The following CBFA2T2 variants were observed in gnomAD, a reference collection of about 807,000 sequenced individuals.
CBFA2T2 encodes CBFA2/RUNX1 partner transcriptional co-repressor 2.
CBFA2T2 carries 11 observed loss-of-function variants against 62.2 expected under a neutral mutation model. The observed-to-expected ratio is 0.18, with a 90% CI of 0.11 to 0.29. CBFA2T2 has a LOEUF of 0.29. Among genes scored for constraint, CBFA2T2 ranks in the 10% least tolerant of loss-of-function variants. The pLI, the probability that CBFA2T2 is intolerant of heterozygous loss-of-function variation, is 1.00. For missense variants in CBFA2T2, 592 were observed against 774.1 expected (o/e 0.76, Z 2.79); for synonymous variants, 295 against 287.5 (o/e 1.03, Z -0.27).
chr20:33,592,737 A>G (rs1317070127), intron 1 of CBFA2T2, among the ~76,000 whole-genome samples: 1 of 152,036 alleles, frequency 6.6e-6, no homozygotes, highest in East Asian at 1.9e-4. Context: ...CACTAGGGAG[A>G]CTAAGTAAGT....
chr20:33,521,804 AAG>A (rs1210231328), intron 1 of CBFA2T2, among the ~76,000 whole-genome samples: 3 of 151,518 alleles, frequency 2.0e-5, no homozygotes, highest in Non-Finnish European at 4.4e-5. Flanking sequence ...TGAACAAAAA[AAG>A]ATGTAAATTT....
At chr20:33,625,424 C>G (rs556267169) in intron 6 of CBFA2T2, among the ~76,000 whole-genome samples, 1 of 152,172 alleles carries the variant, frequency 6.6e-6, no homozygotes, top group South Asian at 2.1e-4. Context: ...GAAGTCAAAA[C>G]TACATTGAGC....
At chr20:33,549,876 T>C (rs1300482922) in intron 1 of CBFA2T2, among the ~76,000 whole-genome samples, 2 of 151,410 alleles carry the variant, frequency 1.3e-5, no homozygotes, top group African/African-American at 4.9e-5. Flanking sequence ...TTTTTTTTTT[T>C]TTTTTCTCTA....
chr20:33,535,726 T>C (rs1360242014), intron 1 of CBFA2T2, among the ~76,000 whole-genome samples: 1 of 151,266 alleles, frequency 6.6e-6, no homozygotes, highest in Non-Finnish European at 1.5e-5. Flanking sequence ...GAGGGGGAGT[T>C]GGCAGGGTCA....
intron 1 of CBFA2T2, among the ~76,000 whole-genome samples, chr20:33,526,536 A>G (rs990303223): frequency 6.6e-6 from 1 of 152,212 alleles, no homozygotes; most frequent in African/African-American, 2.4e-5. Context: ...TAAAGCCACT[A>G]TAAACATTTG....
chr20:33,497,459 G>C (rs1436453422), intron 1 of CBFA2T2, among the ~76,000 whole-genome samples: 2 of 150,084 alleles, frequency 1.3e-5, no homozygotes, highest in African/African-American at 4.9e-5. Context: ...TTTCTTTCTA[G>C]TTCCATTATT....
intron 1 of CBFA2T2, among the ~76,000 whole-genome samples, chr20:33,593,594 T>C (rs976064252): frequency 1.2e-4 from 19 of 152,150 alleles, no homozygotes; most frequent in African/African-American, 4.6e-4. Context: ...GGTTTTGCCA[T>C]GTTGGCCAGG....
chr20:33,590,561 T>C (rs2014574486), intron 1 of CBFA2T2, among the ~76,000 whole-genome samples: 1 of 152,296 alleles, frequency 6.6e-6, no homozygotes, highest in South Asian at 2.1e-4. Context: ...TACCAACTGA[T>C]GGTGAGTGCC....
chr20:33,596,845 T>G (rs2014911394), intron 1 of CBFA2T2, among the ~76,000 whole-genome samples: 1 of 151,948 alleles, frequency 6.6e-6, no homozygotes, highest in African/African-American at 2.4e-5. Context: ...TACCAGTTCC[T>G]CCTTCTTAGT....
At chr20:33,557,563 G>A (rs929494118) in intron 1 of CBFA2T2, among the ~76,000 whole-genome samples, 4 of 152,128 alleles carry the variant, frequency 2.6e-5, no homozygotes, top group Admixed American at 2.0e-4. Context: ...GTGAAGTGCA[G>A]TGGTGGGATC....
intron 7 of CBFA2T2, 109 bp downstream of exon 7, chr20:33,628,544 C>A: frequency 1.4e-6 from 1 of 726,512 alleles, no homozygotes; most frequent in Non-Finnish European, 2.4e-6. Context: ...TCTCAGTTCA[C>A]TGCAACTTCT....
chr20:33,538,055 G>C (rs567053808), intron 1 of CBFA2T2, among the ~76,000 whole-genome samples: 1 of 150,172 alleles, frequency 6.7e-6, no homozygotes, highest in East Asian at 1.9e-4. Flanking sequence ...GAATCTGTTT[G>C]GGGGAAGAGC....
chr20:33,636,213 C>T (rs1375955402), intron 8 of CBFA2T2, among the ~76,000 whole-genome samples: 1 of 143,636 alleles, frequency 7.0e-6, no homozygotes, highest in Non-Finnish European at 1.5e-5. Context: ...GAGCCAAGAT[C>T]GCACCACTGC....
At chr20:33,585,817 T>C (rs966916048) in intron 1 of CBFA2T2, among the ~76,000 whole-genome samples, 1 of 152,222 alleles carries the variant, frequency 6.6e-6, no homozygotes, top group South Asian at 2.1e-4. Flanking sequence ...ACATAATTAT[T>C]TTCTCTCAAA....
intron 5 of CBFA2T2, chr20:33,623,955 A>AAAAAAAAAAAAAAAAG: frequency 4.6e-6 from 1 of 219,464 alleles, no homozygotes; most frequent in South Asian, 7.3e-5. Flanking sequence ...AAAGAATTGG[A>AAAAAAAAAAAAAAAAG]AAAAAAAAAA....
At chr20:33,542,796 C>T (rs986792294) in intron 1 of CBFA2T2, among the ~76,000 whole-genome samples, 2 of 151,816 alleles carry the variant, frequency 1.3e-5, no homozygotes, top group African/African-American at 2.4e-5. Flanking sequence ...CTCAACCTCC[C>T]GGGAAGCTGG....
intron 7 of CBFA2T2, among the ~76,000 whole-genome samples, chr20:33,629,400 G>C (rs1441906936): frequency 6.6e-6 from 1 of 152,344 alleles, no homozygotes; most frequent in African/African-American, 2.4e-5. Flanking sequence ...TTACAGTGCT[G>C]CAGACCCTAG....
At chr20:33,595,669 G>A (rs972364437) in intron 1 of CBFA2T2, among the ~76,000 whole-genome samples, 2 of 151,956 alleles carry the variant, frequency 1.3e-5, no homozygotes, top group Admixed American at 1.3e-4. Flanking sequence ...CTCCCAAGGA[G>A]CTGGGACTAT....
At chr20:33,506,364 C>T (rs945861448) in intron 1 of CBFA2T2, among the ~76,000 whole-genome samples, 1 of 152,138 alleles carries the variant, frequency 6.6e-6, no homozygotes, top group Non-Finnish European at 1.5e-5. Flanking sequence ...CACAGGTCCC[C>T]TCTTTTTTCA....
Sources: gnomAD v4.1 joint callset for allele counts (sites outside exome capture counted in the v4.1 genomes callset) on GRCh38, gnomAD v4.1.1 for gene constraint, MANE v1.5 for transcripts, NCBI Gene and HGNC (gene_info 2026-07-23, HGNC 2026-07-21) for gene names.